The following KY variants were observed in gnomAD, a reference collection of about 807,000 sequenced individuals.
The protein encoded by KY is kyphoscoliosis peptidase.
A neutral mutation model predicts 76.1 loss-of-function variants in KY; 43 were observed. That is an observed-to-expected ratio of 0.57 (90% CI 0.44 to 0.73). The LOEUF (loss-of-function observed/expected upper bound fraction) is 0.73, where lower values mean the gene tolerates loss of function less well. KY is among the 30% of genes least tolerant of loss of function. The pLI, the probability that KY is intolerant of heterozygous loss-of-function variation, is 0.00. For missense variants in KY, 722 were observed against 828.9 expected, an observed-to-expected ratio of 0.87 and a Z score of 1.58; for synonymous variants, 277 against 326.2, an observed-to-expected ratio of 0.85 and a Z score of 1.63.
In KY at chr3:134,602,030, G is replaced by C. The variant is rs1046971726; in HGVS notation, c.*1549C>G. 1.3e-5 allele frequency among the ~76,000 whole-genome samples: 2 copies of C among 152,184 alleles called. No individual in the cohort carries two copies. Among genetic ancestry groups the C allele is most frequent in the Non-Finnish European group, 2.9e-5 (2 of 68,030 alleles). On this transcript the variant is annotated 3_prime_UTR_variant, in exon 11 of 11. Transcript: ENST00000423778. ...CAGGGATGTGAGGGTGAGTGCCACG[G>C]AGGAAGCTATGAGGGTCCCAGCTGG...
rs763243815 is a variant in KY at position 134,608,799 on chromosome 3, T to A, written c.940A>T (p.Ile314Phe). 3.7e-6 allele frequency: 6 copies of A among 1,613,846 alleles called. No individual in the cohort carries two copies. The highest frequency in any genetic ancestry group is 2.2e-5 in the East Asian group (1 of 44,894). ...TTGTTGTCTGGGAAGTGGTCCTCGA[T>A]GAACAGTGCAGGGTGGGTGAGGAAG... is the stretch of plus-strand genomic sequence containing the variant. ...FYFLTHPALF[I>F]EDHFPDNKNW... Residue 314 changes from isoleucine (I) to phenylalanine (F), a missense_variant, in exon 10 of 11, where the codon ATC becomes TTC. Transcript: ENST00000423778.
intron 6 of KY, among the ~76,000 whole-genome samples, chr3:134,624,780 GGGGCTTGCCAAT>G (rs1436604310): frequency 1.3e-5 from 2 of 152,228 alleles, no homozygotes; most frequent in African/African-American, 2.4e-5. Flanking sequence ...GCTGGCCAGA[GGGGCTTGCCAAT>G]GAAGAGCTCC....
In KY at chr3:134,600,878, A is replaced by C. The variant is rs1958933173; in HGVS notation, c.*2701T>G. On this transcript the variant is annotated 3_prime_UTR_variant, in exon 11 of 11. Coordinates refer to ENST00000423778, the MANE Select transcript of KY (RefSeq NM_178554.6). Reference sequence around the variant, plus strand: ...CAAAGATGTCCTCCGTGTACACATAAGGTAGCGCTGAGAAGCCACGAGAAA... The same window carrying C: ...CAAAGATGTCCTCCGTGTACACATACGGTAGCGCTGAGAAGCCACGAGAAA... 1 of 152,250 alleles carries C rather than the reference A, an allele frequency of 6.6e-6. No individual in the cohort carries two copies. Among genetic ancestry groups the C allele is most frequent in the Admixed American group, 6.5e-5 (1 of 15,290 alleles). The allele number at this position is 152,250 out of a possible 1,614,324, so 9.4% of individuals were successfully genotyped here. A position where few individuals can be genotyped will look rare whatever the true frequency, so the allele number is the denominator to read the frequency against.
chr3:134,627,847 G>A, intron 4 of KY, 29 bp from the exon 5 acceptor site: 3 of 1,552,128 alleles, frequency 1.9e-6, no homozygotes, highest in Non-Finnish European at 2.7e-6. Flanking sequence ...CAGAAGTATA[G>A]ATACTTCAGA....
chr3:134,649,012 G>T (rs572838737), intron 1 of KY, among the ~76,000 whole-genome samples: 3 of 152,126 alleles, frequency 2.0e-5, no homozygotes, highest in Non-Finnish European at 4.4e-5. Context: ...GCTGTTTTTC[G>T]AGGAAAGGGT....
rs116507713 is a variant in KY, at chr3:134,600,715, T to G, written c.*2864A>C. On this transcript the variant is annotated 3_prime_UTR_variant, in exon 11 of 11. Coordinates refer to ENST00000423778, the MANE Select transcript of KY (RefSeq NM_178554.6). Reference sequence around the variant, plus strand: ...TTCAATGGTATAGTAATGAGTGTAGTCACAGCTGTTCCATCCAGTCCTATG... The same window carrying G: ...TTCAATGGTATAGTAATGAGTGTAGGCACAGCTGTTCCATCCAGTCCTATG... The G allele has an allele frequency of 1.3e-5, 2 of 152,206 alleles. No homozygotes were observed. The highest frequency in any genetic ancestry group is 2.9e-5 in the Non-Finnish European group (2 of 68,050). The allele number at this position is 152,206 out of a possible 1,614,324, so 9.4% of individuals were successfully genotyped here. A position where few individuals can be genotyped will look rare whatever the true frequency, so the allele number is the denominator to read the frequency against.
chr3:134,636,913 C>G (rs1255606683), intron 3 of KY, among the ~76,000 whole-genome samples: 4 of 152,106 alleles, frequency 2.6e-5, no homozygotes, highest in Non-Finnish European at 5.9e-5. Flanking sequence ...TGGCTATTTT[C>G]CTATTGAAGT....
rs55704191 is a variant in KY, at chr3:134,646,730, T to C, written c.199+705A>G. ...TAAGCCAGTCATCTGATCCTAGGGC[T>C]CACATAGCTGCGGGCTGATGGAGTT... On this transcript the variant is annotated intron_variant, in intron 2 of 10. Transcript: ENST00000423778. Among the ~76,000 whole-genome samples, 935 of 152,300 alleles carry C rather than the reference T, an allele frequency of 6.1e-3. 3 individuals carry two copies. Among genetic ancestry groups the C allele is most frequent in the Non-Finnish European group, 0.01 (698 of 68,028 alleles).
At chr3:134,648,121 C>T (rs1000602002) in intron 1 of KY, among the ~76,000 whole-genome samples, 1 of 152,236 alleles carries the variant, frequency 6.6e-6, no homozygotes, top group Non-Finnish European at 1.5e-5. Context: ...GTTCCTGGCA[C>T]AGCATGGGGA....
chr3:134,636,917 T>C (rs927739117), intron 3 of KY, among the ~76,000 whole-genome samples: 17 of 152,244 alleles, frequency 1.1e-4, no homozygotes, highest in African/African-American at 4.1e-4. Context: ...TATTTTCCTA[T>C]TGAAGTATTA....
At chr3:134,648,135 G>A (rs1966656615) in intron 1 of KY, among the ~76,000 whole-genome samples, 1 of 152,218 alleles carries the variant, frequency 6.6e-6, no homozygotes, top group Admixed American at 6.5e-5. Flanking sequence ...ATGGGGATAC[G>A]TTCTGGCAGC....
chr3:134,650,685 G>T, intron 1 of KY, 140 bp downstream of exon 1: 1 of 776,448 alleles, frequency 1.3e-6, no homozygotes, highest in Non-Finnish European at 2.0e-6. Flanking sequence ...CTGCGGGGAA[G>T]CGACGGCAGC....
intron 3 of KY, among the ~76,000 whole-genome samples, chr3:134,642,051 G>A (rs1445496182): frequency 3.9e-5 from 6 of 152,176 alleles, no homozygotes; most frequent in African/African-American, 1.2e-4. Context: ...TGGGCCCACA[G>A]AGGTCTCTAA....
intron 10 of KY, among the ~76,000 whole-genome samples, chr3:134,605,354 T>A (rs1959174009): frequency 6.6e-6 from 1 of 152,168 alleles, no homozygotes; most frequent in African/African-American, 2.4e-5. Flanking sequence ...CCAGCCCCGT[T>A]CACAGTTGAG....
intron 6 of KY, among the ~76,000 whole-genome samples, chr3:134,621,731 TAA>T (rs778797805): frequency 6.6e-5 from 10 of 151,838 alleles, no homozygotes; most frequent in Non-Finnish European, 1.5e-4. Flanking sequence ...TTCGTGAAAA[TAA>T]AAAATTTCTG....
intron 3 of KY, among the ~76,000 whole-genome samples, chr3:134,643,000 C>A (rs866808181): frequency 7.2e-5 from 11 of 152,114 alleles, no homozygotes; most frequent in Admixed American, 4.6e-4. Context: ...GGGTGTCTGG[C>A]ACATAGTTAG....
rs868782016 is a variant in KY, at chr3:134,602,813, C to G, written c.*766G>C. 2.6e-5 allele frequency among the ~76,000 whole-genome samples: 4 copies of G among 152,346 alleles called. No homozygotes were observed. The Middle Eastern group carries it at 0.014, about 518-fold the overall frequency. Reference sequence around the variant, plus strand: ...TTACACCCTCAGACCAAGGCTGCAGCTCTGCCGACAGTGTCCCTCCCACCT... The same window carrying G: ...TTACACCCTCAGACCAAGGCTGCAGGTCTGCCGACAGTGTCCCTCCCACCT... On this transcript the variant is annotated 3_prime_UTR_variant, in exon 11 of 11. Transcript: ENST00000423778.
At chr3:134,645,772 A>C (rs551187931) in intron 2 of KY, among the ~76,000 whole-genome samples, 2 of 152,180 alleles carry the variant, frequency 1.3e-5, no homozygotes, top group African/African-American at 4.8e-5. Context: ...GTCATCTTCT[A>C]TCAGCTGACA....
intron 3 of KY, among the ~76,000 whole-genome samples, chr3:134,635,405 G>T (rs1296803374): frequency 1.4e-5 from 2 of 147,632 alleles, no homozygotes; most frequent in East Asian, 2.1e-4. Context: ...GCTGAGGCAG[G>T]AGAATCGCTT....
Sources: allele counts gnomAD v4.1 joint callset (sites outside exome capture counted in the v4.1 genomes callset), GRCh38; gene constraint gnomAD v4.1.1; transcripts MANE v1.5; gene names NCBI Gene and HGNC (gene_info 2026-07-23, HGNC 2026-07-21).